Variants in TWSG1 observed in about 807,000 individuals in gnomAD.
TWSG1 encodes twisted gastrulation BMP signaling modulator 1, also known as twisted gastrulation protein homolog 1.
A neutral mutation model predicts 23.0 loss-of-function variants in TWSG1; 15 were observed. That is an observed-to-expected ratio of 0.65 (90% CI 0.44 to 1.00). The LOEUF (loss-of-function observed/expected upper bound fraction) is 1.00, where lower values mean the gene tolerates loss of function less well. TWSG1 is among the 50% of genes least tolerant of loss of function. The probability of loss-of-function intolerance (pLI) is 0.00; values close to 1 mark genes in which losing one functional copy is unlikely to be tolerated. For synonymous variants in TWSG1, 86 were observed against 92.8 expected, an observed-to-expected ratio of 0.93 and a Z score of 0.42; for missense variants, 242 against 278.7, an observed-to-expected ratio of 0.87 and a Z score of 0.94.
chr18:9,335,217 C>T (rs964249953), intron 1 of TWSG1, among the ~76,000 whole-genome samples: 1 of 152,268 alleles, frequency 6.6e-6, no homozygotes. Flanking sequence ...TCCGGGTGCC[C>T]GGTCCCCCAC....
At chr18:9,356,811 C>G (rs1287818153) in intron 2 of TWSG1, among the ~76,000 whole-genome samples, 6 of 151,934 alleles carry the variant, frequency 3.9e-5, no homozygotes, top group Non-Finnish European at 7.4e-5. Context: ...CAAATAAACT[C>G]AAAAATCCAA....
chr18:9,399,644 T>C lies in TWSG1; in HGVS notation c.*117T>C, dbSNP rs1002801718. 1 of 901,472 alleles carries C rather than the reference T, an allele frequency of 1.1e-6. No individual in the cohort carries two copies. The highest frequency in any genetic ancestry group is 1.6e-6 in the Non-Finnish European group (1 of 620,776). The allele number at this position is 901,472 out of a possible 1,614,324, so 55.8% of individuals were successfully genotyped here. ...CCAGTAAGTTAAGTTGTAAAGACTT[T>C]GGAATAAGTTTCTTTTAAAAATATG... On this transcript the variant is annotated 3_prime_UTR_variant, in exon 5 of 5. Coordinates refer to ENST00000262120, the MANE Select transcript of TWSG1 (RefSeq NM_020648.6).
rs868572005 is a variant in TWSG1 at position 9,385,716 on chromosome 18, A to G, written c.224-10564A>G. 5.3e-5 allele frequency among the ~76,000 whole-genome samples: 2 copies of G among 37,526 alleles called. 1 individual carries two copies. The highest frequency in any genetic ancestry group is 7.7e-4 in the East Asian group (2 of 2,588). The allele number at this position is 37,526 out of a possible 152,430, so 24.6% of individuals were successfully genotyped here. A position where few individuals can be genotyped will look rare whatever the true frequency, so the allele number is the denominator to read the frequency against. ...GTCTCAAAAAAAAAAAAAAAAAAAA[A>G]AAAAAGAAAGAACGAAGTAAAAAGC... On this transcript the variant is annotated intron_variant, in intron 3 of 4. Transcript: ENST00000262120.
At chr18:9,344,521 G>GTGTGTGTA (rs1555650745) in intron 2 of TWSG1, among the ~76,000 whole-genome samples, 1 of 80,202 alleles carries the variant, frequency 1.2e-5, no homozygotes, top group Non-Finnish European at 2.6e-5. Flanking sequence ...GTGTGTGTGT[G>GTGTGTGTA]TATGTATGTA....
intron 3 of TWSG1, among the ~76,000 whole-genome samples, chr18:9,376,619 A>G (rs2040631539): frequency 6.6e-6 from 1 of 152,108 alleles, no homozygotes; most frequent in African/African-American, 2.4e-5. Context: ...AGGAGGGTGG[A>G]TTGCTTGAGC....
intron 3 of TWSG1, among the ~76,000 whole-genome samples, chr18:9,369,332 G>A (rs750260146): frequency 2.3e-4 from 35 of 151,776 alleles, no homozygotes; most frequent in Non-Finnish European, 4.3e-4. Flanking sequence ...ACAATGGCAC[G>A]ATCTTGGCTC....
At chr18:9,335,650 A>G (rs1334143307) in intron 1 of TWSG1, among the ~76,000 whole-genome samples, 1 of 152,160 alleles carries the variant, frequency 6.6e-6, no homozygotes, top group East Asian at 1.9e-4. Flanking sequence ...AAATCATCCT[A>G]CTTGGTATGC....
intron 1 of TWSG1, among the ~76,000 whole-genome samples, chr18:9,335,173 C>G (rs957143450): frequency 1.3e-5 from 2 of 152,124 alleles, no homozygotes; most frequent in Non-Finnish European, 2.9e-5. Flanking sequence ...GCGTCCTCCG[C>G]AGCCCGCGTC....
intron 2 of TWSG1, among the ~76,000 whole-genome samples, chr18:9,340,668 T>C (rs1374924429): frequency 6.6e-6 from 1 of 152,216 alleles, no homozygotes; most frequent in Non-Finnish European, 1.5e-5. Flanking sequence ...AGTTCATCTC[T>C]GTTCCACGTG....
At chr18:9,336,266 C>T (rs942189424) in intron 1 of TWSG1, among the ~76,000 whole-genome samples, 1 of 152,022 alleles carries the variant, frequency 6.6e-6, no homozygotes, top group African/African-American at 2.4e-5. Flanking sequence ...GTGATAGGCT[C>T]CTGTGATCCC....
chr18:9,358,226 T>A (rs2040535926), intron 2 of TWSG1, among the ~76,000 whole-genome samples: 1 of 151,990 alleles, frequency 6.6e-6, no homozygotes, highest in South Asian at 2.1e-4. Flanking sequence ...GTGCTTATCT[T>A]TGGAAAGTAG....
intron 3 of TWSG1, among the ~76,000 whole-genome samples, chr18:9,383,186 T>TTTTG (rs137936428): frequency 2.0e-4 from 12 of 59,128 alleles, no homozygotes; most frequent in African/African-American, 8.9e-4. Flanking sequence ...ATTACACGTT[T>TTTTG]TTTTTTTGTT....
At chr18:9,392,420 C>T (rs112425219) in intron 3 of TWSG1, among the ~76,000 whole-genome samples, 122 of 152,338 alleles carry the variant, frequency 8.0e-4, no homozygotes, top group African/African-American at 2.8e-3. Flanking sequence ...TCTGTAGCTT[C>T]CTTACCTCTC....
chr18:9,338,663 C>G (rs2040432911), intron 2 of TWSG1, among the ~76,000 whole-genome samples: 1 of 152,192 alleles, frequency 6.6e-6, no homozygotes, highest in African/African-American at 2.4e-5. Flanking sequence ...ATAAGGCACG[C>G]CTGCTTAGGC....
intron 2 of TWSG1, among the ~76,000 whole-genome samples, chr18:9,358,873 G>T (rs534329582): frequency 2.6e-5 from 4 of 152,054 alleles, no homozygotes; most frequent in Non-Finnish European, 2.9e-5. Flanking sequence ...AATGTTTTTC[G>T]TATAAATATA....
intron 3 of TWSG1, among the ~76,000 whole-genome samples, chr18:9,386,821 AC>A (rs1195500475): frequency 2.0e-5 from 3 of 152,360 alleles, no homozygotes; most frequent in Non-Finnish European, 4.4e-5. Flanking sequence ...GTTAAAAATC[AC>A]ACTGCCATCA....
intron 3 of TWSG1, among the ~76,000 whole-genome samples, chr18:9,386,288 C>T (rs150708910): frequency 0.012 from 1,830 of 151,318 alleles, 43 homozygotes; most frequent in African/African-American, 0.043. Flanking sequence ...GGTGAAACCG[C>T]GTCTGTACTA....
At chr18:9,360,771 C>CT (rs34557352) in intron 3 of TWSG1, among the ~76,000 whole-genome samples, 2 of 152,136 alleles carry the variant, frequency 1.3e-5, no homozygotes, top group African/African-American at 4.8e-5. Context: ...TATGCATATA[C>CT]TTTTTAAGTC....
At chr18:9,382,083 CTTT>C (rs11369376) in intron 3 of TWSG1, among the ~76,000 whole-genome samples, 1 of 145,580 alleles carries the variant, frequency 6.9e-6, no homozygotes, top group Non-Finnish European at 1.5e-5. Flanking sequence ...TATTTTTAGT[CTTT>C]TTTTTTTTTT....
Sources: gnomAD v4.1 joint callset for allele counts (sites outside exome capture counted in the v4.1 genomes callset) on GRCh38, gnomAD v4.1.1 for gene constraint, MANE v1.5 for transcripts, NCBI Gene and HGNC (gene_info 2026-07-23, HGNC 2026-07-21) for gene names.